Variants in CLEC16A observed in about 807,000 individuals in gnomAD.
CLEC16A encodes the protein C-type lectin domain containing 16A, also known as protein CLEC16A.
In CLEC16A, 51 loss-of-function variants were observed where a neutral mutation model predicts 109.5. The observed-to-expected ratio is 0.47, with a 90% CI of 0.37 to 0.59. CLEC16A has a LOEUF of 0.59. Among genes scored for constraint, CLEC16A ranks in the 20% least tolerant of loss-of-function variants. CLEC16A has a pLI of 0.00. For synonymous variants in CLEC16A, 673 were observed against 564.2 expected, an observed-to-expected ratio of 1.19 and a Z score of -2.73; for missense variants, 1,339 against 1,394.0, an observed-to-expected ratio of 0.96 and a Z score of 0.63.
intron 11 of CLEC16A, among the ~76,000 whole-genome samples, chr16:11,008,164 G>A (rs2045153862): frequency 1.3e-5 from 2 of 152,128 alleles, no homozygotes; most frequent in Non-Finnish European, 2.9e-5. Context: ...TATATCCTAG[G>A]TAACCAGCCA....
intron 19 of CLEC16A, among the ~76,000 whole-genome samples, chr16:11,102,636 C>T (rs2152986926): frequency 6.6e-6 from 1 of 152,326 alleles, no homozygotes; most frequent in South Asian, 2.1e-4. Context: ...AGCTGAGGTC[C>T]ACCTGGAAAG....
chr16:11,020,136 T>G, intron 11 of CLEC16A, 57 bp from the exon 12 acceptor site: 1 of 1,546,824 alleles, frequency 6.5e-7, no homozygotes, highest in Non-Finnish European at 8.7e-7. Flanking sequence ...AGCATGTGTA[T>G]AAATCTAGGG....
At chr16:11,097,924 G>A (rs1413386175) in intron 19 of CLEC16A, among the ~76,000 whole-genome samples, 1 of 152,196 alleles carries the variant, frequency 6.6e-6, no homozygotes, top group African/African-American at 2.4e-5. Context: ...TCCTCAGCTG[G>A]CCCACGGGCG....
intron 21 of CLEC16A, among the ~76,000 whole-genome samples, 187 bp from the exon 22 acceptor site, chr16:11,125,792 G>T (rs1184924468): frequency 6.6e-6 from 1 of 152,110 alleles, no homozygotes; most frequent in Non-Finnish European, 1.5e-5. Context: ...CTTGTGCGTT[G>T]AGCCTCAGTG....
Position 11,181,691 on chromosome 16 carries a change from GC to G in CLEC16A, c.*3005del, listed in dbSNP as rs1260895126. ...TTGGGAGGAGGGGCCTCCGTGAGCA[GC>G]CCCTCCTCTGCCGCTGTCCCAGCCC... On this transcript the variant is annotated 3_prime_UTR_variant, in exon 24 of 24. Transcript: ENST00000409790. 6.6e-6 allele frequency: 1 copy of G among 152,338 alleles called. No homozygotes were observed. The highest frequency in any genetic ancestry group is 1.5e-5 in the Non-Finnish European group (1 of 68,074). The allele number at this position is 152,338 out of a possible 1,614,324, so 9.4% of individuals were successfully genotyped here. A position where few individuals can be genotyped will look rare whatever the true frequency, so the allele number is the denominator to read the frequency against.
intron 13 of CLEC16A, among the ~76,000 whole-genome samples, chr16:11,031,171 C>G (rs2046721033): frequency 6.6e-6 from 1 of 152,208 alleles, no homozygotes; most frequent in African/African-American, 2.4e-5. Flanking sequence ...TCAGTCAGTG[C>G]TCAGCCAGAG....
At chr16:11,106,337 G>A (rs559316429) in intron 19 of CLEC16A, among the ~76,000 whole-genome samples, 1 of 152,186 alleles carries the variant, frequency 6.6e-6, no homozygotes, top group African/African-American at 2.4e-5. Context: ...CACCCAGGCT[G>A]GAGTGCAGTG....
At chr16:10,956,695 G>T (rs1346108694) in intron 1 of CLEC16A, among the ~76,000 whole-genome samples, 3 of 152,214 alleles carry the variant, frequency 2.0e-5, no homozygotes, top group Non-Finnish European at 4.4e-5. Context: ...CAGCAAAGAG[G>T]CCTTGAGGAC....
At position 11,178,531 on chromosome 16, in the gene CLEC16A, G is replaced by A. The variant is rs199592017; in HGVS notation, c.3003G>A (p.Thr1001=). The change falls in exon 24 of 24, where the codon ACG becomes ACA. Residue 1001 remains threonine, a synonymous_variant. Coordinates refer to ENST00000409790, the MANE Select transcript of CLEC16A (RefSeq NM_015226.3). The surrounding 1 kb of genome is among the most constrained non-coding windows in gnomAD (Gnocchi z 6.5). ...TGCTCTGCGAGGACACGGCTGACAC[G>A]CTGAGCGTCGAATCGCTGACCCTTG... ...ISLLCEDTAD[T]LSVESLTLVP... The A allele has an allele frequency of 6.2e-6, 10 of 1,613,040 alleles. No individual in the cohort carries two copies. In the East Asian group the frequency reaches 8.9e-5, roughly 14 times the overall value.
intron 23 of CLEC16A, among the ~76,000 whole-genome samples, chr16:11,172,267 T>G (rs117378200): frequency 0.014 from 2,197 of 152,168 alleles, 21 homozygotes; most frequent in Admixed American, 0.023. Flanking sequence ...TGTATGTACG[T>G]GGTCACACAC....
At chr16:11,036,527 C>G (rs1303702567) in intron 13 of CLEC16A, among the ~76,000 whole-genome samples, 2 of 140,348 alleles carry the variant, frequency 1.4e-5, no homozygotes, top group South Asian at 4.6e-4. Context: ...TCCTTGTGTT[C>G]TTTTGTTCTA....
rs746752895 is a variant in CLEC16A, at chr16:10,963,511, A to G, written c.343+923A>G. Among the ~76,000 whole-genome samples, 4 of 152,206 alleles carry G rather than the reference A, an allele frequency of 2.6e-5. No homozygotes were observed. The East Asian group carries it at 7.7e-4, about 29-fold the overall frequency. ...GGTCGCTGAATCATCAGCCAATGGAATAAGCACTGGAAGAAGTAAGACAAG... is the reference window on the plus strand; with the variant it reads ...GGTCGCTGAATCATCAGCCAATGGAGTAAGCACTGGAAGAAGTAAGACAAG... On this transcript the variant is annotated intron_variant, in intron 3 of 23. Coordinates refer to ENST00000409790, the MANE Select transcript of CLEC16A (RefSeq NM_015226.3).
intron 11 of CLEC16A, among the ~76,000 whole-genome samples, chr16:11,008,240 TC>T: frequency 6.6e-6 from 1 of 152,304 alleles, no homozygotes; most frequent in African/African-American, 2.4e-5. Context: ...TTTCAGTCTG[TC>T]CTTGCTGTGA....
At chr16:10,947,993 A>G (rs1006539063) in intron 1 of CLEC16A, among the ~76,000 whole-genome samples, 1 of 151,920 alleles carries the variant, frequency 6.6e-6, no homozygotes. Context: ...TCCCGGGTTC[A>G]CGCCATTCTC....
rs904464489 is a variant in CLEC16A at position 11,179,659 on chromosome 16, C to T, written c.*969C>T. The stretch of plus-strand genomic sequence containing the variant: ...AACCAGTTGGGACCGTGAAGACTCC[C>T]GACCCTGTGGCCATGATGGAAATCA... On this transcript the variant is annotated 3_prime_UTR_variant, in exon 24 of 24. Transcript: ENST00000409790. The T allele has an allele frequency of 3.3e-5, 5 of 152,256 alleles. No individual in the cohort carries two copies. The highest frequency in any genetic ancestry group is 2.1e-4 in the South Asian group (1 of 4,832). The allele number at this position is 152,256 out of a possible 1,614,324, so 9.4% of individuals were successfully genotyped here.
chr16:11,135,781 T>C (rs1294604437), intron 22 of CLEC16A, among the ~76,000 whole-genome samples: 1 of 152,230 alleles, frequency 6.6e-6, no homozygotes, highest in Non-Finnish European at 1.5e-5. Flanking sequence ...AGGGCAGCCA[T>C]GCCGGCAGCA....
intron 19 of CLEC16A, among the ~76,000 whole-genome samples, chr16:11,094,184 G>T (rs373561101): frequency 1.1e-4 from 16 of 152,300 alleles, no homozygotes; most frequent in South Asian, 4.1e-4. Context: ...TTCCCAGCCT[G>T]TGGCTGTCCT....
intron 19 of CLEC16A, among the ~76,000 whole-genome samples, chr16:11,084,897 A>G (rs1379435818): frequency 1.3e-5 from 2 of 152,222 alleles, no homozygotes; most frequent in African/African-American, 2.4e-5. Flanking sequence ...GGTGCCATCA[A>G]TTCTGAAGGC....
At chr16:11,039,908 G>T (rs1246439411) in intron 14 of CLEC16A, 32 bp downstream of exon 14, 2 of 1,606,120 alleles carry the variant, frequency 1.2e-6, no homozygotes, top group Non-Finnish European at 8.5e-7. Context: ...TGTCCACAGG[G>T]CCACGCAGTT....
Sources: allele counts gnomAD v4.1 joint callset (sites outside exome capture counted in the v4.1 genomes callset), GRCh38; gene constraint gnomAD v4.1.1; non-coding constraint Gnocchi (gnomAD v3.1); transcripts MANE v1.5; gene names NCBI Gene and HGNC (gene_info 2026-07-23, HGNC 2026-07-21).